The following FOXK2 variants were observed in gnomAD, a reference collection of about 807,000 sequenced individuals.
FOXK2 encodes the protein forkhead box K2.
A neutral mutation model predicts 53.3 loss-of-function variants in FOXK2; 24 were observed. That is an observed-to-expected ratio of 0.45 (90% CI 0.33 to 0.63). The LOEUF is 0.63. FOXK2 is among the 30% of genes least tolerant of loss of function. FOXK2 has a pLI of 0.03. For missense variants in FOXK2, 952 were observed against 910.5 expected, an observed-to-expected ratio of 1.05 and a Z score of -0.59; for synonymous variants, 505 against 407.1, an observed-to-expected ratio of 1.24 and a Z score of -2.89.
chr17:82,567,926 CTT>C (rs3065019), intron 2 of FOXK2, 126 bp from the exon 3 acceptor site: 13,272 of 418,080 alleles, frequency 0.032, 17 homozygotes, highest in East Asian at 0.066. Context: ...TATTCTCTTC[CTT>C]TTTTTTTTTT....
chr17:82,577,407 G>C (rs2045001221), intron 4 of FOXK2: 1 of 446,544 alleles, frequency 2.2e-6, no homozygotes, highest in Non-Finnish European at 4.2e-6. Flanking sequence ...GCAGCCCCGA[G>C]CAGGCTCCTA....
rs142345778 is a variant in FOXK2 at position 82,601,425 on chromosome 17, G to A, written c.1909G>A (p.Gly637Ser). 1.2e-4 allele frequency: 193 copies of A among 1,612,890 alleles called. No individual in the cohort carries two copies. The highest frequency in any genetic ancestry group is 1.7e-4 in the Admixed American group (10 of 60,034). The change falls in exon 9 of 9, where the codon GGC becomes AGC. Residue 637 changes from glycine to serine, a missense_variant. Gly to Ser is a moderately conservative substitution (Grantham distance 56). Transcript: ENST00000335255. ...GCTGAAGCGGATCAAGACAGAAGAC[G>A]GCGAGGGCATCGTCATTGCCCTGAG... ...PELKRIKTED[G>S]EGIVIALSVD...
At chr17:82,530,382 C>T (rs1022597536) in intron 1 of FOXK2, among the ~76,000 whole-genome samples, 5 of 139,260 alleles carry the variant, frequency 3.6e-5, no homozygotes, top group Non-Finnish European at 6.0e-5. Flanking sequence ...ACCAGCTACT[C>T]GGGAGGCTAA....
intron 1 of FOXK2, among the ~76,000 whole-genome samples, chr17:82,522,041 C>CTTTTTT (rs924582731): frequency 2.8e-5 from 3 of 107,268 alleles, no homozygotes; most frequent in African/African-American, 7.1e-5. Flanking sequence ...TTTAATCTGA[C>CTTTTTT]TTTTTTTTTT....
intron 4 of FOXK2, among the ~76,000 whole-genome samples, chr17:82,572,313 T>C (rs1256145628): frequency 1.3e-5 from 2 of 152,220 alleles, no homozygotes; most frequent in African/African-American, 4.8e-5. Context: ...CAAACCGCAT[T>C]TTACCAAGGA....
At chr17:82,534,786 C>T (rs2044504812) in intron 1 of FOXK2, among the ~76,000 whole-genome samples, 1 of 152,192 alleles carries the variant, frequency 6.6e-6, no homozygotes, top group South Asian at 2.1e-4. Flanking sequence ...TATTTATTTT[C>T]CATGGATCTT....
chr17:82,567,209 A>G (rs1567976469), intron 2 of FOXK2, among the ~76,000 whole-genome samples: 1 of 151,854 alleles, frequency 6.6e-6, no homozygotes, highest in African/African-American at 2.4e-5. Flanking sequence ...TTCTCTATGC[A>G]TTTGCAATGT....
chr17:82,587,145 G>C lies in FOXK2; in HGVS notation c.1659G>C (p.Pro553=), dbSNP rs139592674. The change falls in exon 8 of 9, where the codon CCG becomes CCC. Residue 553 remains proline, a synonymous_variant. Transcript: ENST00000335255. ...TCATTCAGACGGCACAGACCACCCCGGTCCAGACGGTGACCATAGTACAAC... is the reference window on the plus strand; with the variant it reads ...TCATTCAGACGGCACAGACCACCCCCGTCCAGACGGTGACCATAGTACAAC... ...SRIIQTAQTT[P]VQTVTIVQQA... The C allele has an allele frequency of 6.2e-7, 1 of 1,605,118 alleles. No homozygotes were observed. The highest frequency in any genetic ancestry group is 8.5e-7 in the Non-Finnish European group (1 of 1,175,618).
At chr17:82,554,776 G>A (rs1312751887) in intron 1 of FOXK2, among the ~76,000 whole-genome samples, 4 of 147,376 alleles carry the variant, frequency 2.7e-5, no homozygotes, top group African/African-American at 7.5e-5. Context: ...ACAGAGTCTC[G>A]CTCTGTCGCC....
At chr17:82,522,798 C>G (rs369383642) in intron 1 of FOXK2, among the ~76,000 whole-genome samples, 42 of 152,114 alleles carry the variant, frequency 2.8e-4, no homozygotes, top group African/African-American at 9.4e-4. Context: ...GGCCAGAATT[C>G]AGACCTTATT....
intron 4 of FOXK2, among the ~76,000 whole-genome samples, chr17:82,578,875 G>T (rs542311116): frequency 7.4e-4 from 112 of 152,292 alleles, no homozygotes; most frequent in Middle Eastern, 6.8e-3. Context: ...CTGCTCACAT[G>T]GCTGGAGTAT....
chr17:82,566,783 G>C (rs1045876284), intron 2 of FOXK2, among the ~76,000 whole-genome samples: 8 of 152,154 alleles, frequency 5.3e-5, no homozygotes, highest in Admixed American at 2.0e-4. Flanking sequence ...CACCTGCACA[G>C]ACCTTTGTCA....
chr17:82,565,754 C>T (rs1471586905), intron 2 of FOXK2, among the ~76,000 whole-genome samples: 2 of 152,326 alleles, frequency 1.3e-5, no homozygotes, highest in African/African-American at 2.4e-5. Flanking sequence ...CTAGCAGTTC[C>T]TCACAAAACT....
At chr17:82,532,595 G>T (rs1351952185) in intron 1 of FOXK2, among the ~76,000 whole-genome samples, 1 of 152,032 alleles carries the variant, frequency 6.6e-6, no homozygotes, top group Non-Finnish European at 1.5e-5. Flanking sequence ...TATTTTTGTT[G>T]TTTTTTTCTG....
chr17:82,523,598 G>A (rs940691849), intron 1 of FOXK2, among the ~76,000 whole-genome samples: 23 of 151,234 alleles, frequency 1.5e-4, no homozygotes, highest in African/African-American at 4.4e-4. Context: ...TCAGCCTCCC[G>A]AGTACCTGGG....
intron 1 of FOXK2, among the ~76,000 whole-genome samples, chr17:82,551,416 C>T: frequency 6.6e-6 from 1 of 152,080 alleles, no homozygotes; most frequent in Non-Finnish European, 1.5e-5. Context: ...TGGCTCATGC[C>T]TGCAATCCCA....
chr17:82,585,086 C>T (rs553614952), intron 6 of FOXK2, among the ~76,000 whole-genome samples: 2 of 152,252 alleles, frequency 1.3e-5, no homozygotes, highest in East Asian at 1.9e-4. Context: ...GCCATGTCTC[C>T]CTCTCTTTGC....
In FOXK2 at chr17:82,601,517, CTT is replaced by C; in HGVS notation, c.*20_*21del. The C allele has an allele frequency of 6.3e-7, 1 of 1,587,826 alleles. No homozygotes were observed. Among genetic ancestry groups the C allele is most frequent in the Non-Finnish European group, 8.6e-7 (1 of 1,165,402 alleles). On this transcript the variant is annotated 3_prime_UTR_variant, in exon 9 of 9. Coordinates refer to ENST00000335255, the MANE Select transcript of FOXK2 (RefSeq NM_004514.4). ...AGAACTAGCGACCGGGAGAGCTTTT[CTT>C]TAACGATATCAACTCTGTGGTGCCA...
At chr17:82,587,580 C>T (rs2045203037) in intron 8 of FOXK2, 1 of 421,296 alleles carries the variant, frequency 2.4e-6, no homozygotes, top group Non-Finnish European at 4.4e-6. Flanking sequence ...GCGGGAGCCG[C>T]CGCGTGTCTT....
Sources: gnomAD v4.1 joint callset for allele counts (sites outside exome capture counted in the v4.1 genomes callset) on GRCh38, gnomAD v4.1.1 for gene constraint, MANE v1.5 for transcripts, NCBI Gene and HGNC (gene_info 2026-07-23, HGNC 2026-07-21) for gene names.